Variants in PDE1A observed in about 807,000 individuals in gnomAD.
PDE1A encodes the protein phosphodiesterase 1A.
A neutral mutation model predicts 61.7 loss-of-function variants in PDE1A; 35 were observed. That is an observed-to-expected ratio of 0.57 (90% CI 0.43 to 0.75). PDE1A has a LOEUF of 0.75. Among genes scored for constraint, PDE1A ranks in the 30% least tolerant of loss-of-function variants. PDE1A has a pLI of 0.00. For missense variants in PDE1A, 597 were observed against 630.6 expected (o/e 0.95, Z 0.57); for synonymous variants, 232 against 213.2 (o/e 1.09, Z -0.77).
chr2:182,311,079 A>C (rs1308656940), intron 1 of PDE1A, among the ~76,000 whole-genome samples: 1 of 152,228 alleles, frequency 6.6e-6, no homozygotes, highest in African/African-American at 2.4e-5. Flanking sequence ...ATGCCTCCTG[A>C]ATATTGAAGT....
At chr2:182,399,422 T>C (rs1282409728) in intron 1 of PDE1A, among the ~76,000 whole-genome samples, 1 of 152,018 alleles carries the variant, frequency 6.6e-6, no homozygotes, top group Non-Finnish European at 1.5e-5. Context: ...AAACTCCTGA[T>C]ATGCTCTCAA....
intron 1 of PDE1A, among the ~76,000 whole-genome samples, chr2:182,361,483 T>G (rs1351563585): frequency 1.3e-5 from 2 of 152,106 alleles, no homozygotes; most frequent in Non-Finnish European, 2.9e-5. Flanking sequence ...CTAATAGGTT[T>G]TATTCAAATT....
intron 7 of PDE1A, among the ~76,000 whole-genome samples, chr2:182,218,259 G>C (rs1195062358): frequency 7.4e-6 from 1 of 134,768 alleles, no homozygotes; most frequent in Non-Finnish European, 1.6e-5. Context: ...TCACACTCTG[G>C]GGACTGTTGT....
At chr2:182,712,292 T>C in the PDE1A span, among the ~76,000 whole-genome samples, 10 of 152,190 alleles carry the variant, frequency 6.6e-5, no homozygotes, top group Non-Finnish European at 1.3e-4. Context: ...AGGTAGATCT[T>C]TGTACCGCAA....
At chr2:182,635,401 T>C in the PDE1A span, among the ~76,000 whole-genome samples, 3 of 152,050 alleles carry the variant, frequency 2.0e-5, no homozygotes, top group Non-Finnish European at 4.4e-5. Flanking sequence ...CTAATAGTAG[T>C]ATATTATAGT....
chr2:182,377,365 C>T (rs1451185131), intron 1 of PDE1A, among the ~76,000 whole-genome samples: 1 of 152,158 alleles, frequency 6.6e-6, no homozygotes, highest in Non-Finnish European at 1.5e-5. Flanking sequence ...CCTGCTTTAC[C>T]TTCTGACATG....
the PDE1A span, among the ~76,000 whole-genome samples, chr2:182,644,203 C>CA: frequency 3.6e-5 from 5 of 139,888 alleles, no homozygotes; most frequent in Non-Finnish European, 4.6e-5. Flanking sequence ...TACCAACCAC[C>CA]AAAAATGACT....
intron 1 of PDE1A, among the ~76,000 whole-genome samples, chr2:182,413,656 C>T (rs1702748777): frequency 6.6e-6 from 1 of 152,166 alleles, no homozygotes. Flanking sequence ...TTACTGAAAA[C>T]TTTCATATGT....
the PDE1A span, among the ~76,000 whole-genome samples, chr2:182,579,778 A>G: frequency 6.6e-6 from 1 of 152,226 alleles, no homozygotes; most frequent in African/African-American, 2.4e-5. Context: ...CATATAAATT[A>G]TTATAATAAA....
At chr2:182,300,254 T>C (rs531882760) in intron 1 of PDE1A, among the ~76,000 whole-genome samples, 18 of 152,228 alleles carry the variant, frequency 1.2e-4, no homozygotes, top group African/African-American at 4.3e-4. Flanking sequence ...ACTGAGAAAA[T>C]ATAAATAAGC....
At chr2:182,290,256 T>C (rs1039234227) in intron 1 of PDE1A, among the ~76,000 whole-genome samples, 8 of 152,066 alleles carry the variant, frequency 5.3e-5, no homozygotes, top group African/African-American at 1.9e-4. Context: ...AGAAGAAAAG[T>C]ATATTGAGTA....
Position 182,394,295 on chromosome 2 carries a change from A to G in PDE1A, c.53+32283T>C, listed in dbSNP as rs150674016. 2.1e-4 allele frequency among the ~76,000 whole-genome samples: 32 copies of G among 152,322 alleles called. No individual in the cohort carries two copies. In the East Asian group the frequency reaches 5.2e-3, roughly 25 times the overall value. On this transcript the variant is annotated intron_variant, in intron 1 of 13. Coordinates refer to ENST00000351439, the Ensembl canonical transcript of PDE1A. ...AAGGAGAAGTAAAGGCATGTCTTACATGGTGGCAGCCAACAGAGAGCATGC... is the reference window on the plus strand; with the variant it reads ...AAGGAGAAGTAAAGGCATGTCTTACGTGGTGGCAGCCAACAGAGAGCATGC...
intron 1 of PDE1A, among the ~76,000 whole-genome samples, chr2:182,359,026 C>A (rs1192096213): frequency 6.6e-6 from 1 of 151,020 alleles, no homozygotes; most frequent in Admixed American, 6.6e-5. Context: ...TCCTTTTATT[C>A]TTTCTTTCCT....
intron 1 of PDE1A, among the ~76,000 whole-genome samples, chr2:182,334,307 C>CA (rs1697632973): frequency 2.0e-5 from 3 of 150,368 alleles, no homozygotes; most frequent in Non-Finnish European, 3.0e-5. Flanking sequence ...CACACACACA[C>CA]CAAAAAAAAA....
At chr2:182,480,358 A>T (rs1411682918) in intron 2 of PDE1A, among the ~76,000 whole-genome samples, 5 of 151,940 alleles carry the variant, frequency 3.3e-5, no homozygotes, top group Non-Finnish European at 5.9e-5. Flanking sequence ...TATAAAGAAC[A>T]TATTTAAAGT....
chr2:182,247,334 C>T (rs1691048466), intron 2 of PDE1A, among the ~76,000 whole-genome samples: 2 of 152,182 alleles, frequency 1.3e-5, no homozygotes, highest in South Asian at 4.2e-4. Context: ...CTTTTATGCT[C>T]ATTTATCACA....
chr2:182,683,650 G>T, the PDE1A span, among the ~76,000 whole-genome samples: 1 of 152,086 alleles, frequency 6.6e-6, no homozygotes, highest in Non-Finnish European at 1.5e-5. Flanking sequence ...TTTAAATCAT[G>T]ACCGATAAAA....
chr2:182,207,055 T>C (rs1377364140), intron 7 of PDE1A, among the ~76,000 whole-genome samples: 1 of 152,206 alleles, frequency 6.6e-6, no homozygotes, highest in African/African-American at 2.4e-5. Flanking sequence ...AAATTGGTAC[T>C]GAGCGTGGGG....
chr2:182,351,069 C>T (rs1461150477), intron 1 of PDE1A, among the ~76,000 whole-genome samples: 1 of 152,196 alleles, frequency 6.6e-6, no homozygotes, highest in African/African-American at 2.4e-5. Context: ...AGAAAGCACA[C>T]TGAGCAACAG....
Sources: allele counts gnomAD v4.1 joint callset (sites outside exome capture counted in the v4.1 genomes callset), GRCh38; gene constraint gnomAD v4.1.1; transcripts MANE v1.5; gene names NCBI Gene and HGNC (gene_info 2026-07-23, HGNC 2026-07-21).